Variants in KCTD16 observed in about 807,000 individuals in gnomAD.
The protein encoded by KCTD16 is potassium channel tetramerization domain containing 16.
KCTD16 carries 13 observed loss-of-function variants against 33.2 expected under a neutral mutation model. That is an observed-to-expected ratio of 0.39 (90% confidence interval 0.25 to 0.62). KCTD16 has a LOEUF of 0.62. KCTD16 is among the 20% of genes least tolerant of loss of function. KCTD16 has a pLI of 0.50. For missense variants in KCTD16, 441 were observed against 525.1 expected (o/e 0.84, Z 1.57); for synonymous variants, 197 against 195.3 (o/e 1.01, Z -0.07).
intron 3 of KCTD16, among the ~76,000 whole-genome samples, chr5:144,428,313 C>T (rs1440221586): frequency 6.6e-6 from 1 of 152,156 alleles, no homozygotes; most frequent in Non-Finnish European, 1.5e-5. Context: ...TCCTGTTTGT[C>T]TCTCTGATGC....
intron 3 of KCTD16, among the ~76,000 whole-genome samples, chr5:144,389,329 C>A (rs1376825125): frequency 6.6e-6 from 1 of 152,076 alleles, no homozygotes; most frequent in Admixed American, 6.5e-5. Context: ...CAGCTGCTCC[C>A]CATCACTTGC....
intron 3 of KCTD16, among the ~76,000 whole-genome samples, chr5:144,279,974 T>C (rs939121223): frequency 6.6e-6 from 1 of 152,232 alleles, no homozygotes; most frequent in Non-Finnish European, 1.5e-5. Flanking sequence ...TAAATTGATT[T>C]ATTTTCAAAT....
chr5:144,205,457 C>T (rs1445759626), intron 2 of KCTD16: 3 of 398,616 alleles, frequency 7.5e-6, no homozygotes, highest in Non-Finnish European at 1.3e-5. Context: ...AGCCCCGGGC[C>T]CCCCGCCGGC....
At chr5:144,455,122 C>T (rs1230072842) in intron 3 of KCTD16, among the ~76,000 whole-genome samples, 2 of 152,064 alleles carry the variant, frequency 1.3e-5, no homozygotes, top group Non-Finnish European at 2.9e-5. Flanking sequence ...CCTCCAGCTT[C>T]TGTCTGTGAG....
intron 3 of KCTD16, among the ~76,000 whole-genome samples, chr5:144,216,768 C>T (rs966460056): frequency 6.6e-6 from 1 of 151,006 alleles, no homozygotes; most frequent in Non-Finnish European, 1.5e-5. Flanking sequence ...TGCTTGAACC[C>T]GGGAGGTGGA....
At chr5:144,370,686 C>A (rs1751948318) in intron 3 of KCTD16, among the ~76,000 whole-genome samples, 1 of 152,110 alleles carries the variant, frequency 6.6e-6, no homozygotes, top group Non-Finnish European at 1.5e-5. Context: ...AAAGGTGTTG[C>A]AAAGATTTTT....
intron 3 of KCTD16, among the ~76,000 whole-genome samples, chr5:144,223,902 G>A (rs1753842058): frequency 6.6e-6 from 1 of 151,808 alleles, no homozygotes; most frequent in Non-Finnish European, 1.5e-5. Context: ...TTATCCTGGT[G>A]GTCCTTGGGG....
rs145189547 is a variant in KCTD16 at position 144,416,951 on chromosome 5, C to T, written c.833-56709C>T. ...ATCTACCATCTAGCATGTATCAATA[C>T]TTCATTCCTTTTTAATGGCTGAATA... On this transcript the variant is annotated intron_variant, in intron 3 of 3. Transcript: ENST00000512467. Among the ~76,000 whole-genome samples, 68 of 152,218 alleles carry T rather than the reference C, an allele frequency of 4.5e-4. 1 individual carries two copies. In the East Asian group the frequency reaches 0.012, roughly 27 times the overall value.
intron 2 of KCTD16, among the ~76,000 whole-genome samples, chr5:144,203,683 T>A (rs538798817): frequency 1.3e-5 from 2 of 152,372 alleles, no homozygotes; most frequent in African/African-American, 4.8e-5. Context: ...CATGACGTTT[T>A]GACCTACTCT....
intron 3 of KCTD16, among the ~76,000 whole-genome samples, chr5:144,467,216 A>G (rs1754367386): frequency 6.6e-6 from 1 of 150,712 alleles, no homozygotes; most frequent in Non-Finnish European, 1.5e-5. Flanking sequence ...TCATATGTAT[A>G]TTAACTGTCT....
intron 1 of KCTD16, among the ~76,000 whole-genome samples, chr5:144,171,862 G>T (rs1462715044): frequency 8.5e-5 from 13 of 152,318 alleles, no homozygotes; most frequent in African/African-American, 3.1e-4. Context: ...TTTTGAAAAT[G>T]ATTGCTTTGG....
chr5:144,227,352 GA>G (rs1316498109), intron 3 of KCTD16, among the ~76,000 whole-genome samples: 1 of 152,182 alleles, frequency 6.6e-6, no homozygotes, highest in Non-Finnish European at 1.5e-5. Context: ...TGAGGTTGGA[GA>G]GTGCTGGGTC....
chr5:144,451,532 G>A (rs543098425), intron 3 of KCTD16, among the ~76,000 whole-genome samples: 1 of 152,222 alleles, frequency 6.6e-6, no homozygotes, highest in East Asian at 1.9e-4. Flanking sequence ...TGAAGCAAAA[G>A]TCTCACTTTT....
intron 3 of KCTD16, among the ~76,000 whole-genome samples, chr5:144,445,094 T>C (rs2126980321): frequency 6.6e-6 from 1 of 151,882 alleles, no homozygotes; most frequent in Non-Finnish European, 1.5e-5. Context: ...ATTATATGTA[T>C]GTGAAAATAT....
At chr5:144,244,242 T>C (rs1202575698) in intron 3 of KCTD16, among the ~76,000 whole-genome samples, 3 of 152,192 alleles carry the variant, frequency 2.0e-5, no homozygotes, top group Admixed American at 6.5e-5. Context: ...TAAAAAGAGA[T>C]GGTTTGGTCA....
chr5:144,446,605 A>T (rs1388457787), intron 3 of KCTD16, among the ~76,000 whole-genome samples: 2 of 152,016 alleles, frequency 1.3e-5, no homozygotes, highest in African/African-American at 4.8e-5. Context: ...AAACTATCAT[A>T]AGAGTGAACA....
At chr5:144,227,317 G>T (rs1280642693) in intron 3 of KCTD16, among the ~76,000 whole-genome samples, 1 of 152,206 alleles carries the variant, frequency 6.6e-6, no homozygotes, top group Non-Finnish European at 1.5e-5. Flanking sequence ...CTGACAGGCA[G>T]AGGGAAAAGC....
chr5:144,339,850 A>C (rs145042032), intron 3 of KCTD16, among the ~76,000 whole-genome samples: 1 of 152,216 alleles, frequency 6.6e-6, no homozygotes. Context: ...ATTAAAACAC[A>C]TTTGTGATCC....
At chr5:144,257,103 A>C (rs1385097163) in intron 3 of KCTD16, among the ~76,000 whole-genome samples, 3 of 152,188 alleles carry the variant, frequency 2.0e-5, no homozygotes, top group Non-Finnish European at 4.4e-5. Context: ...TTACTTATGT[A>C]TGTATCTGTA....
Sources: gnomAD v4.1 joint callset for allele counts (sites outside exome capture counted in the v4.1 genomes callset) on GRCh38, gnomAD v4.1.1 for gene constraint, MANE v1.5 for transcripts, NCBI Gene and HGNC (gene_info 2026-07-23, HGNC 2026-07-21) for gene names.